Variants in TSPAN11 observed in about 807,000 individuals in gnomAD.
The protein encoded by TSPAN11 is tetraspanin 11, also known as tetraspanin-11.
A neutral mutation model predicts 32.9 loss-of-function variants in TSPAN11; 29 were observed. The ratio of observed to expected loss-of-function variants is 0.88; its 90% CI spans 0.66 to 1.20. The LOEUF (loss-of-function observed/expected upper bound fraction) is 1.20. Among genes scored for constraint, TSPAN11 ranks in the 50% most tolerant of loss-of-function variants. The pLI is 0.00. For synonymous variants in TSPAN11, 140 were observed against 141.3 expected (o/e 0.99, Z 0.07); for missense variants, 283 against 329.1 (o/e 0.86, Z 1.08).
Position 30,930,269 on chromosome 12 carries a change from A to G in TSPAN11, c.-12+3473A>G, listed in dbSNP as rs1381432388. ...GAGCTTTGAACCTCCAGGCTATGAG[A>G]CATGCATTAAGGACCCAGCCCCCGA... On this transcript the variant is annotated intron_variant, in intron 1 of 7. Coordinates refer to ENST00000546076, the MANE Select transcript of TSPAN11 (RefSeq NM_001370302.1). 2.0e-5 allele frequency among the ~76,000 whole-genome samples: 3 copies of G among 152,118 alleles called. No individual in the cohort carries two copies. The East Asian group carries it at 5.8e-4, about 29-fold the overall frequency.
At chr12:30,976,302 C>T (rs142155294) in intron 3 of TSPAN11, among the ~76,000 whole-genome samples, 146 of 152,184 alleles carry the variant, frequency 9.6e-4, no homozygotes, top group African/African-American at 3.2e-3. Flanking sequence ...CTAAACTTTG[C>T]GTCCTACACG....
At chr12:30,979,518 G>T in intron 4 of TSPAN11, 48 bp from the exon 5 acceptor site, 2 of 1,577,918 alleles carry the variant, frequency 1.3e-6, no homozygotes, top group African/African-American at 1.3e-5. Context: ...GCCAGGGCAG[G>T]GGTGGGGCTG....
chr12:30,955,633 C>T (rs1006500537), intron 2 of TSPAN11, among the ~76,000 whole-genome samples: 11 of 152,154 alleles, frequency 7.2e-5, no homozygotes, highest in African/African-American at 2.2e-4. Flanking sequence ...CAAGGTGTCA[C>T]AGGGCCAAGC....
At chr12:31,011,917 T>C in the TSPAN11 span, among the ~76,000 whole-genome samples, 1 of 152,228 alleles carries the variant, frequency 6.6e-6, no homozygotes, top group African/African-American at 2.4e-5. Context: ...TTACTTGATG[T>C]GGGCTGTGGG....
At chr12:30,989,427 T>C (rs553396901) in intron 7 of TSPAN11, among the ~76,000 whole-genome samples, 109 of 152,296 alleles carry the variant, frequency 7.2e-4, no homozygotes, top group African/African-American at 2.4e-3. Flanking sequence ...GCCTGGCCTC[T>C]CAAAGGATTG....
chr12:30,964,755 T>C (rs1403133982), intron 3 of TSPAN11, among the ~76,000 whole-genome samples: 1 of 152,232 alleles, frequency 6.6e-6, no homozygotes, highest in African/African-American at 2.4e-5. Flanking sequence ...AGTCATTCCT[T>C]AATATCATGA....
chr12:30,974,815 G>T (rs1464760238), intron 3 of TSPAN11, among the ~76,000 whole-genome samples: 1 of 152,248 alleles, frequency 6.6e-6, no homozygotes, highest in African/African-American at 2.4e-5. Flanking sequence ...GAACCGCACG[G>T]CAGGCGAAGG....
Position 30,994,999 on chromosome 12 carries a change from G to A in TSPAN11, c.*3084G>A, listed in dbSNP as rs1197666694. 1 of 144,978 alleles carries A rather than the reference G, an allele frequency of 6.9e-6. No individual in the cohort carries two copies. The highest frequency in any genetic ancestry group is 1.9e-4 in the East Asian group (1 of 5,178). 9.0% of individuals were successfully genotyped at this position (144,978 alleles called of 1,614,324 possible). ...TCATTAAGGAACAGAGTGTCACTCAGGGGGCACTGTCACAAAGCAGCACCC... is the reference window on the plus strand; with the variant it reads ...TCATTAAGGAACAGAGTGTCACTCAAGGGGCACTGTCACAAAGCAGCACCC... On this transcript the variant is annotated 3_prime_UTR_variant, in exon 8 of 8. Transcript: ENST00000546076.
chr12:30,926,888 C>T (rs1022412482), intron 1 of TSPAN11, 92 bp downstream of exon 1: 22 of 1,230,176 alleles, frequency 1.8e-5, no homozygotes, highest in Admixed American at 1.2e-4. Flanking sequence ...GCCCGCCCCG[C>T]CGGCAGTCCC....
downstream of TSPAN11, chr12:30,997,001 T>C (rs1298213236): frequency 6.6e-6 from 1 of 152,234 alleles, no homozygotes; most frequent in Non-Finnish European, 1.5e-5. Flanking sequence ...TCTGCTTGGC[T>C]GCAGCAGATG....
chr12:30,980,371 T>A (rs1193112104), intron 5 of TSPAN11, among the ~76,000 whole-genome samples: 1 of 152,228 alleles, frequency 6.6e-6, no homozygotes, highest in Non-Finnish European at 1.5e-5. Flanking sequence ...ACATTTCTAG[T>A]GCTCATTAGC....
chr12:30,985,012 G>A (rs1939173183), intron 7 of TSPAN11, among the ~76,000 whole-genome samples: 2 of 152,158 alleles, frequency 1.3e-5, no homozygotes. Flanking sequence ...AAGAGAAGCA[G>A]GGGACAGTGG....
the TSPAN11 span, among the ~76,000 whole-genome samples, chr12:31,009,130 G>T: frequency 6.6e-6 from 1 of 152,226 alleles, no homozygotes; most frequent in Non-Finnish European, 1.5e-5. Context: ...CCGCTCTTCA[G>T]CATGAACCTT....
intron 2 of TSPAN11, among the ~76,000 whole-genome samples, chr12:30,962,783 C>T (rs11612836): frequency 0.3 from 45,126 of 152,022 alleles, 7,069 homozygotes; most frequent in African/African-American, 0.36. Flanking sequence ...GGGAGACTAG[C>T]GGGCAGAAGT....
rs565100217 is a variant in TSPAN11 at position 30,963,829 on chromosome 12, G to A, written c.88G>A (p.Gly30Arg). 44 of 1,606,768 alleles carry A rather than the reference G, an allele frequency of 2.7e-5. No individual in the cohort carries two copies. The highest frequency in any genetic ancestry group is 1.1e-4 in the East Asian group (5 of 44,868). ...LFVFNFFFWV[G>R]GAAVLAVGIW... ...CTAACCCGGTGGTCTCCTGCAGGTCGGGGGAGCAGCCGTCCTGGCTGTGGG... is the reference window on the plus strand; with the variant it reads ...CTAACCCGGTGGTCTCCTGCAGGTCAGGGGAGCAGCCGTCCTGGCTGTGGG... Residue 30 changes from glycine to arginine, a missense_variant, in exon 3 of 8, where the codon GGG becomes AGG. Coordinates refer to ENST00000546076, the MANE Select transcript of TSPAN11 (RefSeq NM_001370302.1).
At chr12:30,983,695 A>G (rs958723210) in intron 7 of TSPAN11, among the ~76,000 whole-genome samples, 13 of 152,158 alleles carry the variant, frequency 8.5e-5, no homozygotes, top group Admixed American at 3.3e-4. Context: ...ATTCCAAAAA[A>G]TGGATGATTG....
chr12:30,979,726 A>G, intron 5 of TSPAN11, 56 bp downstream of exon 5: 1 of 1,580,618 alleles, frequency 6.3e-7, no homozygotes, highest in Non-Finnish European at 8.7e-7. Flanking sequence ...TCAAATCCCG[A>G]CTGTTCTTTC....
chr12:30,966,137 T>G (rs3427), intron 3 of TSPAN11, among the ~76,000 whole-genome samples: 1 of 150,510 alleles, frequency 6.6e-6, no homozygotes, highest in East Asian at 2.0e-4. Flanking sequence ...CAACAGGAGG[T>G]GGGGGTCACA....
chr12:31,005,933 T>C, the TSPAN11 span: 2 of 153,956 alleles, frequency 1.3e-5, no homozygotes, highest in Non-Finnish European at 2.9e-5. Flanking sequence ...AGTTGGGGTG[T>C]CACAGCGCTC....
Sources: gnomAD v4.1 joint callset for allele counts (sites outside exome capture counted in the v4.1 genomes callset) on GRCh38, gnomAD v4.1.1 for gene constraint, MANE v1.5 for transcripts, NCBI Gene and HGNC (gene_info 2026-07-23, HGNC 2026-07-21) for gene names.